The following BICC1 variants were observed in gnomAD, a reference collection of about 807,000 sequenced individuals.
BICC1 encodes the protein BicC family RNA binding protein 1, also known as protein bicaudal C homolog 1.
BICC1 carries 43 observed loss-of-function variants against 111.0 expected under a neutral mutation model. The ratio of observed to expected loss-of-function variants is 0.39; its 90% CI spans 0.30 to 0.50. The LOEUF is 0.50. Among genes scored for constraint, BICC1 ranks in the 20% least tolerant of loss-of-function variants. The pLI is 0.88. For missense variants in BICC1, 1,091 were observed against 1,203.2 expected (o/e 0.91, Z 1.38); for synonymous variants, 467 against 434.4 (o/e 1.07, Z -0.93).
At chr10:58,603,561 G>T (rs1845112257) in intron 1 of BICC1, among the ~76,000 whole-genome samples, 1 of 152,170 alleles carries the variant, frequency 6.6e-6, no homozygotes, top group Non-Finnish European at 1.5e-5. Flanking sequence ...CGTAATAGTT[G>T]ATACACTGAG....
chr10:58,708,485 G>C (rs1840469067), intron 3 of BICC1, among the ~76,000 whole-genome samples: 1 of 152,162 alleles, frequency 6.6e-6, no homozygotes, highest in Non-Finnish European at 1.5e-5. Context: ...AGGTTTAATA[G>C]GCAAAAGAAA....
At chr10:58,618,530 C>T (rs1845694298) in intron 1 of BICC1, among the ~76,000 whole-genome samples, 1 of 152,204 alleles carries the variant, frequency 6.6e-6, no homozygotes, top group African/African-American at 2.4e-5. Flanking sequence ...TCACTCACAC[C>T]AAGAGAGAGA....
rs35346412 is a variant in BICC1, at chr10:58,745,602, G to GCCCC, written c.308-39392_308-39389dup. Among the ~76,000 whole-genome samples, 343 of 78,682 alleles carry GCCCC rather than the reference G, an allele frequency of 4.4e-3. 9 individuals carry two copies. Among genetic ancestry groups the GCCCC allele is most frequent in the Admixed American group, 0.02 (117 of 5,802 alleles). The allele number at this position is 78,682 out of a possible 152,430, so 51.6% of individuals were successfully genotyped here. On this transcript the variant is annotated intron_variant, in intron 3 of 20. Transcript: ENST00000373886. ...TTTCCAGCTCTAAGAGCCCCCCACC[G>GCCCC]CCCCCCCCCCACATTTTTTTCTGAT...
chr10:58,631,709 G>C (rs1837800114), intron 2 of BICC1, among the ~76,000 whole-genome samples: 1 of 152,098 alleles, frequency 6.6e-6, no homozygotes, highest in Non-Finnish European at 1.5e-5. Context: ...TGTGTTTCCT[G>C]CTTGGTTCTC....
intron 3 of BICC1, among the ~76,000 whole-genome samples, chr10:58,777,539 C>T (rs1842779834): frequency 6.6e-6 from 1 of 152,104 alleles, no homozygotes; most frequent in South Asian, 2.1e-4. Flanking sequence ...CCACCCTTTC[C>T]TTGCATTCAG....
intron 3 of BICC1, among the ~76,000 whole-genome samples, chr10:58,703,451 C>T (rs540845230): frequency 2.4e-4 from 36 of 152,172 alleles, no homozygotes; most frequent in South Asian, 8.3e-4. Context: ...TGTGAGCCAC[C>T]GCACCCAGCC....
chr10:58,568,223 A>G (rs1288055200), intron 1 of BICC1, among the ~76,000 whole-genome samples: 2 of 152,146 alleles, frequency 1.3e-5, no homozygotes, highest in Non-Finnish European at 2.9e-5. Context: ...AGTGCTCTCT[A>G]CAGGTTATTC....
chr10:58,767,532 A>G (rs1009777237), intron 3 of BICC1, among the ~76,000 whole-genome samples: 6 of 152,146 alleles, frequency 3.9e-5, no homozygotes, highest in Non-Finnish European at 5.9e-5. Flanking sequence ...CACACGCAGA[A>G]ACCCGACACC....
At position 58,799,270 on chromosome 10, in the gene BICC1, G is replaced by A; in HGVS notation, c.1725+18G>A. On this transcript the variant is annotated intron_variant, in intron 12 of 20. Coordinates refer to ENST00000373886, the MANE Select transcript of BICC1 (RefSeq NM_001080512.3). ...ATGCACAGGTAATGGCCTTCTGCCA[G>A]AATGTGTGTGTGATCTGTACTGTTT... 6.4e-7 allele frequency: 1 copy of A among 1,562,190 alleles called. No homozygotes were observed. The highest frequency in any genetic ancestry group is 8.7e-7 in the Non-Finnish European group (1 of 1,151,304).
chr10:58,691,062 A>G (rs1168195235), intron 2 of BICC1, among the ~76,000 whole-genome samples: 3 of 152,358 alleles, frequency 2.0e-5, no homozygotes, highest in East Asian at 1.9e-4. Context: ...AAATAAGTAT[A>G]TATCCAAGAG....
At chr10:58,814,856 G>C (rs978207611) in intron 18 of BICC1, among the ~76,000 whole-genome samples, 1 of 152,004 alleles carries the variant, frequency 6.6e-6, no homozygotes, top group Non-Finnish European at 1.5e-5. Context: ...ATTGAAGAAA[G>C]ACTGTCCAGC....
intron 2 of BICC1, among the ~76,000 whole-genome samples, chr10:58,679,413 T>G (rs1002694079): frequency 6.6e-6 from 1 of 152,124 alleles, no homozygotes; most frequent in African/African-American, 2.4e-5. Flanking sequence ...AGCACCTGTA[T>G]GCAAATAAAC....
At chr10:58,774,299 T>G (rs1036277334) in intron 3 of BICC1, among the ~76,000 whole-genome samples, 3 of 152,210 alleles carry the variant, frequency 2.0e-5, no homozygotes, top group Middle Eastern at 6.3e-3. Context: ...GGAACTTTTT[T>G]TTAGCTAATT....
intron 1 of BICC1, among the ~76,000 whole-genome samples, chr10:58,575,628 G>A (rs1213484739): frequency 1.3e-5 from 2 of 151,338 alleles, no homozygotes; most frequent in African/African-American, 2.4e-5. Context: ...TCGCTATGTT[G>A]GGTAGGCTCT....
chr10:58,739,657 A>C (rs1195541596), intron 3 of BICC1, among the ~76,000 whole-genome samples: 1 of 152,074 alleles, frequency 6.6e-6, no homozygotes, highest in South Asian at 2.1e-4. Context: ...TTAACTGAAC[A>C]CTTTTGTTGT....
intron 1 of BICC1, among the ~76,000 whole-genome samples, chr10:58,561,006 G>C (rs1843589228): frequency 6.6e-6 from 1 of 151,978 alleles, no homozygotes; most frequent in Admixed American, 6.6e-5. Context: ...GTATACAGTA[G>C]CTGTTGGATG....
intron 1 of BICC1, among the ~76,000 whole-genome samples, chr10:58,525,712 A>T (rs28606044): frequency 0.46 from 69,089 of 150,674 alleles, 16,947 homozygotes; most frequent in Admixed American, 0.62. Flanking sequence ...TTAATAATAA[A>T]AAAAATTTTT....
At chr10:58,791,694 C>T (rs535647593) in intron 8 of BICC1, among the ~76,000 whole-genome samples, 66 of 152,098 alleles carry the variant, frequency 4.3e-4, no homozygotes, top group African/African-American at 1.5e-3. Flanking sequence ...GAGCCGAGAT[C>T]GCGCCACTGC....
At chr10:58,732,545 C>A (rs1841349693) in intron 3 of BICC1, among the ~76,000 whole-genome samples, 1 of 150,766 alleles carries the variant, frequency 6.6e-6, no homozygotes. Flanking sequence ...CTCTGGGAGG[C>A]TGAGGCAGGA....
Sources: gnomAD v4.1 joint callset for allele counts (sites outside exome capture counted in the v4.1 genomes callset) on GRCh38, gnomAD v4.1.1 for gene constraint, MANE v1.5 for transcripts, NCBI Gene and HGNC (gene_info 2026-07-23, HGNC 2026-07-21) for gene names.